Variants in CNTNAP4 observed in about 807,000 individuals in gnomAD.
The protein encoded by CNTNAP4 is contactin associated protein family member 4, also known as contactin-associated protein-like 4.
Under a neutral mutation model 148.4 loss-of-function variants are expected in CNTNAP4, and 98 were observed. The observed-to-expected ratio is 0.66, with a 90% confidence interval of 0.56 to 0.78. CNTNAP4 has a LOEUF of 0.78. Ranked by LOEUF, CNTNAP4 falls within the 30% of genes least tolerant of loss-of-function variation. CNTNAP4 has a pLI of 0.00. For synonymous variants in CNTNAP4, 730 were observed against 565.1 expected (o/e 1.29, Z -4.14); for missense variants, 1,935 against 1,565.6 (o/e 1.24, Z -3.98).
intron 2 of CNTNAP4, among the ~76,000 whole-genome samples, chr16:76,351,406 A>G (rs993915849): frequency 2.0e-5 from 3 of 152,072 alleles, no homozygotes; most frequent in African/African-American, 4.8e-5. Flanking sequence ...ATTTATCTCT[A>G]TCGCTCAGTC....
chr16:76,342,342 C>T (rs1228641677), intron 2 of CNTNAP4, among the ~76,000 whole-genome samples: 1 of 151,880 alleles, frequency 6.6e-6, no homozygotes, highest in African/African-American at 2.4e-5. Context: ...CTCAGTTATG[C>T]ATCTGTTGAA....
At chr16:76,527,341 C>A (rs1733181017) in intron 17 of CNTNAP4, among the ~76,000 whole-genome samples, 1 of 152,074 alleles carries the variant, frequency 6.6e-6, no homozygotes, top group Non-Finnish European at 1.5e-5. Context: ...GCTGGTGACT[C>A]CGTGGGTGAC....
intron 3 of CNTNAP4, among the ~76,000 whole-genome samples, chr16:76,363,183 T>C (rs918713587): frequency 3.5e-4 from 53 of 151,236 alleles, no homozygotes; most frequent in African/African-American, 1.2e-3. Flanking sequence ...TTTTGGGAGT[T>C]GGAGTCTCAC....
intron 3 of CNTNAP4, among the ~76,000 whole-genome samples, chr16:76,369,088 G>A (rs570163986): frequency 2.5e-4 from 37 of 149,644 alleles, no homozygotes; most frequent in Non-Finnish European, 3.9e-4. Context: ...GCAGTTCATA[G>A]AAAGGAAAAA....
At chr16:76,330,947 G>A (rs1963450100) in intron 2 of CNTNAP4, among the ~76,000 whole-genome samples, 1 of 152,214 alleles carries the variant, frequency 6.6e-6, no homozygotes, top group Admixed American at 6.5e-5. Flanking sequence ...GGATAGATCT[G>A]TAAAAATTGG....
chr16:76,487,927 G>A (rs1341953692), intron 12 of CNTNAP4, among the ~76,000 whole-genome samples: 2 of 152,174 alleles, frequency 1.3e-5, no homozygotes, highest in East Asian at 3.9e-4. Flanking sequence ...CTCACTCAGT[G>A]TGATCCAGAA....
chr16:76,366,105 C>T (rs2014090973), intron 3 of CNTNAP4, among the ~76,000 whole-genome samples: 1 of 151,828 alleles, frequency 6.6e-6, no homozygotes, highest in Non-Finnish European at 1.5e-5. Flanking sequence ...TTTACATTTA[C>T]CTTTTTAGTT....
intron 4 of CNTNAP4, among the ~76,000 whole-genome samples, chr16:76,443,175 G>C (rs1415494314): frequency 6.6e-6 from 1 of 151,948 alleles, no homozygotes; most frequent in Non-Finnish European, 1.5e-5. Flanking sequence ...CAGTTAATAA[G>C]CATACTAATG....
At chr16:76,477,719 C>T (rs748225729) in intron 11 of CNTNAP4, among the ~76,000 whole-genome samples, 81 of 152,256 alleles carry the variant, frequency 5.3e-4, no homozygotes, top group Middle Eastern at 3.4e-3. Context: ...CCCAGGACAC[C>T]CAGCTAGTGG....
intron 3 of CNTNAP4, among the ~76,000 whole-genome samples, chr16:76,378,438 A>T (rs536305716): frequency 3.3e-5 from 5 of 152,322 alleles, no homozygotes; most frequent in Admixed American, 3.3e-4. Context: ...GAAGAAGGTG[A>T]CAGATATCTG....
At chr16:76,328,787 A>G (rs996338523) in intron 2 of CNTNAP4, among the ~76,000 whole-genome samples, 2 of 152,106 alleles carry the variant, frequency 1.3e-5, no homozygotes, top group African/African-American at 4.8e-5. Context: ...CTGGGACTAC[A>G]GGCGCCTGCC....
intron 1 of CNTNAP4, among the ~76,000 whole-genome samples, chr16:76,280,713 A>G (rs192163825): frequency 8.5e-4 from 130 of 152,210 alleles, no homozygotes; most frequent in African/African-American, 3.1e-3. Flanking sequence ...ATCCTTGCAG[A>G]TGGGTGTGCT....
chr16:76,392,430 C>T (rs1423464718), intron 3 of CNTNAP4, among the ~76,000 whole-genome samples: 2 of 152,000 alleles, frequency 1.3e-5, no homozygotes, highest in African/African-American at 4.8e-5. Context: ...AGCATGAGTC[C>T]TAAGAAAGAA....
intron 2 of CNTNAP4, among the ~76,000 whole-genome samples, chr16:76,333,779 GTTTTTTTTT>G (rs549878036): frequency 1.1e-4 from 5 of 45,618 alleles, no homozygotes; most frequent in Non-Finnish European, 1.7e-4. Context: ...TGGGTTATAG[GTTTTTTTTT>G]TTTTTTTTTT....
rs2084322609 is a variant in CNTNAP4 at position 76,538,649 on chromosome 16, T to G, written c.3220+309T>G. ...GACTATTCCATATGGCTATCAATAT[T>G]TGTTTCATAGTTCATTTTGAAATAA... On this transcript the variant is annotated intron_variant, in intron 19 of 23. Coordinates refer to ENST00000611870, the MANE Select transcript of CNTNAP4 (RefSeq NM_033401.5). 2.0e-5 allele frequency among the ~76,000 whole-genome samples: 3 copies of G among 152,110 alleles called. No homozygotes were observed. The South Asian group carries it at 6.2e-4, about 31-fold the overall frequency.
rs947971505 is a variant in CNTNAP4, at chr16:76,558,477, T to C, written c.3734-13T>C. ...ACAGAAATTCTGACTTTATATTTCT[T>C]TTCTCTCTCTAGGTCTGATAGCTGT... On this transcript the variant is annotated splice_polypyrimidine_tract_variant and intron_variant, in intron 23 of 23. Coordinates refer to ENST00000611870, the MANE Select transcript of CNTNAP4 (RefSeq NM_033401.5). The C allele has an allele frequency of 6.6e-7, 1 of 1,516,614 alleles. No individual in the cohort carries two copies. The highest frequency in any genetic ancestry group is 9.0e-7 in the Non-Finnish European group (1 of 1,105,054). 93.9% of individuals were successfully genotyped at this position (1,516,614 alleles called of 1,614,324 possible).
intron 15 of CNTNAP4, among the ~76,000 whole-genome samples, chr16:76,520,528 G>A (rs1385859309): frequency 6.6e-6 from 1 of 152,144 alleles, no homozygotes; most frequent in Non-Finnish European, 1.5e-5. Flanking sequence ...TATTGGCAAA[G>A]TAAGAGATAA....
intron 12 of CNTNAP4, among the ~76,000 whole-genome samples, chr16:76,481,003 A>C (rs756595589): frequency 4.6e-5 from 7 of 152,208 alleles, no homozygotes; most frequent in Non-Finnish European, 8.8e-5. Context: ...CATTATACTG[A>C]TTGGCTACGT....
At chr16:76,341,974 C>G (rs1481337059) in intron 2 of CNTNAP4, among the ~76,000 whole-genome samples, 1 of 152,184 alleles carries the variant, frequency 6.6e-6, no homozygotes, top group Non-Finnish European at 1.5e-5. Context: ...GTCATGACTT[C>G]TGATCTAGAT....
Sources: allele counts gnomAD v4.1 joint callset (sites outside exome capture counted in the v4.1 genomes callset), GRCh38; gene constraint gnomAD v4.1.1; transcripts MANE v1.5; gene names NCBI Gene and HGNC (gene_info 2026-07-23, HGNC 2026-07-21).